The following EFL1 variants were observed in gnomAD, a reference collection of about 807,000 sequenced individuals.
EFL1 encodes elongation factor-like GTPase 1.
Under a neutral mutation model 126.7 loss-of-function variants are expected in EFL1, and 76 were observed. That is an observed-to-expected ratio of 0.60 (90% CI 0.50 to 0.73). The LOEUF (loss-of-function observed/expected upper bound fraction) is 0.73. Among genes scored for constraint, EFL1 ranks in the 30% least tolerant of loss-of-function variants. EFL1 has a pLI of 0.00. For missense variants in EFL1, 1,128 were observed against 1,343.2 expected, an observed-to-expected ratio of 0.84 and a Z score of 2.50; for synonymous variants, 410 against 448.4, an observed-to-expected ratio of 0.91 and a Z score of 1.08.
rs1303977160 is a variant in EFL1, at chr15:82,244,844, A to G, written c.245-3441T>C. 4.6e-5 allele frequency among the ~76,000 whole-genome samples: 7 copies of G among 152,278 alleles called. No individual in the cohort carries two copies. In the South Asian group the frequency reaches 1.2e-3, roughly 27 times the overall value. On this transcript the variant is annotated intron_variant, in intron 4 of 19. Coordinates refer to ENST00000268206, the MANE Select transcript of EFL1 (RefSeq NM_024580.6). ...GAGTTTAGTGTTCAACTTCCAAAAC[A>G]CTGGAAATGCTCACTAAAGCATACA... is the stretch of plus-strand genomic sequence containing the variant.
intron 15 of EFL1, among the ~76,000 whole-genome samples, chr15:82,181,622 A>ATGTGTGTG (rs35063141): frequency 0.015 from 2,228 of 149,396 alleles, 51 homozygotes; most frequent in African/African-American, 0.05. Flanking sequence ...ATGTGTGTGC[A>ATGTGTGTG]TGTGTGTGTG....
chr15:82,209,179 G>T (rs1030700746), intron 15 of EFL1, among the ~76,000 whole-genome samples: 1 of 152,018 alleles, frequency 6.6e-6, no homozygotes, highest in Non-Finnish European at 1.5e-5. Flanking sequence ...CATTATAAAA[G>T]TATCACAAAG....
At chr15:82,166,499 A>C (rs1457788556) in intron 15 of EFL1, among the ~76,000 whole-genome samples, 1 of 152,214 alleles carries the variant, frequency 6.6e-6, no homozygotes, top group East Asian at 1.9e-4. Context: ...TTTAAATATA[A>C]TTTTAAAATC....
At position 82,152,350 on chromosome 15, in the gene EFL1, C is replaced by T; in HGVS notation, c.2104G>A (p.Val702Ile). 1 of 1,613,806 alleles carries T rather than the reference C, an allele frequency of 6.2e-7. No individual in the cohort carries two copies. Among genetic ancestry groups the T allele is most frequent in the Non-Finnish European group, 8.5e-7 (1 of 1,180,018 alleles). ...CCTATTTCTTCATTGACCATGTCAACTTTTGGGGGTTTTGTGATTGTTTCT... is the reference window on the plus strand; with the variant it reads ...CCTATTTCTTCATTGACCATGTCAATTTTTGGGGGTTTTGTGATTGTTTCT... Reference protein sequence around the residue: ...FRETITKPPKVDMVNEEIGKQ... With the variant: ...FRETITKPPKIDMVNEEIGKQ... Residue 702 changes from valine to isoleucine, a missense_variant, in exon 18 of 20, where the codon GTT becomes ATT. Val to Ile is a conservative substitution (Grantham distance 29, BLOSUM62 3). Around this residue, in one of 6 missense-constraint regions of EFL1, gnomAD observed 561 missense variants for 641.7 expected, o/e 0.87. Transcript: ENST00000268206.
At chr15:82,194,541 C>A (rs940978844) in intron 15 of EFL1, among the ~76,000 whole-genome samples, 1 of 152,060 alleles carries the variant, frequency 6.6e-6, no homozygotes, top group African/African-American at 2.4e-5. Flanking sequence ...AAAGTATAGT[C>A]AAAAATGCAC....
Position 82,230,905 on chromosome 15 carries a change from G to A in EFL1, c.798C>T (p.Thr266=), listed in dbSNP as rs1278883343. 3 of 1,613,076 alleles carry A rather than the reference G, an allele frequency of 1.9e-6. No homozygotes were observed. The highest frequency in any genetic ancestry group is 2.5e-6 in the Non-Finnish European group (3 of 1,179,530). The change falls in exon 8 of 20, where the codon ACC becomes ACT. Residue 266 remains threonine, a synonymous_variant. Transcript: ENST00000268206. Reference sequence around the variant, plus strand: ...TATTTATATAGTAATCTCCCCACAAGGTTTTCATAAGAACTTCCTTTTTGA... The same window carrying A: ...TATTTATATAGTAATCTCCCCACAAAGTTTTCATAAGAACTTCCTTTTTGA... ...IGIKKEVLMK[T]LWGDYYINMK...
intron 1 of EFL1, chr15:82,262,161 G>A (rs1336689146): frequency 5.4e-5 from 9 of 167,374 alleles, no homozygotes. Context: ...CCAGGAGGGA[G>A]AGAAAATGCT....
At chr15:82,192,042 C>A (rs1415258928) in intron 15 of EFL1, among the ~76,000 whole-genome samples, 55 of 152,090 alleles carry the variant, frequency 3.6e-4, no homozygotes, top group East Asian at 5.8e-4. Context: ...TTAAAGATAA[C>A]ACCTAGTAGG....
chr15:82,206,760 A>C (rs2074529178), intron 15 of EFL1, among the ~76,000 whole-genome samples: 1 of 152,200 alleles, frequency 6.6e-6, no homozygotes, highest in Non-Finnish European at 1.5e-5. Flanking sequence ...AACAATTAAC[A>C]ACTAACCAAA....
chr15:82,187,506 T>C (rs758584379), intron 15 of EFL1, among the ~76,000 whole-genome samples: 19 of 152,224 alleles, frequency 1.2e-4, no homozygotes, highest in Non-Finnish European at 2.4e-4. Flanking sequence ...GTGCACATTA[T>C]ATTTTGGAGA....
Position 82,151,857 on chromosome 15 carries a change from C to T in EFL1, c.2597G>A (p.Gly866Asp). Residue 866 changes from glycine to aspartate, a missense_variant, in exon 18 of 20, where the codon GGC (glycine) becomes GAC (aspartate). Gly to Asp is a moderately conservative substitution (Grantham distance 94, BLOSUM62 -1). Around this residue, in one of 6 missense-constraint regions of EFL1, gnomAD observed 561 missense variants for 641.7 expected, o/e 0.87. Transcript: ENST00000268206. ...SKEASRYRDL[G>D]NSIVSGFQLA... is the part of the protein sequence containing the mutation. ...TTGGAAGCCACTCACAATGCTATTG[C>T]CCAAATCTCGGTATCTACTGGCTTC... 1.9e-6 allele frequency: 3 copies of T among 1,614,152 alleles called. No homozygotes were observed. The highest frequency in any genetic ancestry group is 2.5e-6 in the Non-Finnish European group (3 of 1,180,032).
In EFL1 at chr15:82,228,318, G is replaced by A. The variant is rs779193332; in HGVS notation, c.942C>T (p.Asp314=). The change falls in exon 10 of 20, where the codon GAC becomes GAT. Residue 314 remains aspartate, a synonymous_variant. Transcript: ENST00000268206. ...LYDAVLKKDK[D]KIDKIVTSLG... is the part of the protein sequence containing the mutation. Reference sequence around the variant, plus strand: ...AAGAAGTCACTATTTTATCAATTTTGTCTTTGTCCCTGTGGTAAACACAAG... The same window carrying A: ...AAGAAGTCACTATTTTATCAATTTTATCTTTGTCCCTGTGGTAAACACAAG... 1.2e-6 allele frequency: 2 copies of A among 1,613,466 alleles called. No individual in the cohort carries two copies. The highest frequency in any genetic ancestry group is 1.7e-6 in the Non-Finnish European group (2 of 1,179,780).
intron 8 of EFL1, 86 bp from the exon 9 acceptor site, chr15:82,229,196 A>G: frequency 9.8e-7 from 1 of 1,019,844 alleles, no homozygotes. Context: ...TATTATCAAT[A>G]TGTTTCATTT....
intron 6 of EFL1, among the ~76,000 whole-genome samples, chr15:82,239,270 G>A (rs1388224744): frequency 1.3e-5 from 2 of 152,090 alleles, no homozygotes; most frequent in African/African-American, 4.8e-5. Context: ...CCTAGTAGCT[G>A]GGACTACAGG....
At chr15:82,198,815 C>T (rs563868007) in intron 15 of EFL1, among the ~76,000 whole-genome samples, 19 of 152,274 alleles carry the variant, frequency 1.2e-4, no homozygotes, top group African/African-American at 4.6e-4. Context: ...GTTTCTCCAA[C>T]CAGAGGATGC....
intron 12 of EFL1, among the ~76,000 whole-genome samples, chr15:82,221,432 T>C (rs2074711086): frequency 6.6e-6 from 1 of 152,132 alleles, no homozygotes; most frequent in Non-Finnish European, 1.5e-5. Flanking sequence ...CCTTTCTATT[T>C]CACGTAAGCT....
chr15:82,162,989 G>A (rs1218789086), intron 16 of EFL1, among the ~76,000 whole-genome samples: 2 of 152,222 alleles, frequency 1.3e-5, no homozygotes, highest in African/African-American at 2.4e-5. Context: ...ATTAGCAATA[G>A]TCATGGGACG....
At chr15:82,228,586 A>C (rs2074788865) in intron 9 of EFL1, among the ~76,000 whole-genome samples, 1 of 152,222 alleles carries the variant, frequency 6.6e-6, no homozygotes. Context: ...CAAGTGGTAA[A>C]GCAGTCTTAC....
chr15:82,261,190 C>G (rs1477559475), intron 2 of EFL1, among the ~76,000 whole-genome samples: 1 of 152,062 alleles, frequency 6.6e-6, no homozygotes. Context: ...TCCTCTAGTT[C>G]TCCCAACCTT....
Sources: allele counts gnomAD v4.1 joint callset (sites outside exome capture counted in the v4.1 genomes callset), GRCh38; gene constraint gnomAD v4.1.1; regional missense constraint gnomAD v4.1.1; transcripts MANE v1.5; gene names NCBI Gene and HGNC (gene_info 2026-07-23, HGNC 2026-07-21).